Variants in KIF9 observed in about 807,000 individuals in gnomAD.
The protein encoded by KIF9 is kinesin-like protein KIF9.
In KIF9, 68 loss-of-function variants were observed where a neutral mutation model predicts 94.8. That is an observed-to-expected ratio of 0.72 (90% CI 0.59 to 0.88). The LOEUF (loss-of-function observed/expected upper bound fraction) is 0.88. KIF9 is among the 40% of genes least tolerant of loss of function. The probability of loss-of-function intolerance (pLI) is 0.00; values close to 1 mark genes in which losing one functional copy is unlikely to be tolerated. For missense variants in KIF9, 882 were observed against 982.5 expected (o/e 0.90, Z 1.37); for synonymous variants, 343 against 362.1 (o/e 0.95, Z 0.60).
At chr3:47,274,271 T>C (rs920534890) in intron 3 of KIF9, among the ~76,000 whole-genome samples, 8 of 152,212 alleles carry the variant, frequency 5.3e-5, no homozygotes, top group Non-Finnish European at 7.4e-5. Flanking sequence ...CTGCCCACCC[T>C]GGGAAGACTT....
At chr3:47,239,128 A>C (rs1392000168) in intron 17 of KIF9, among the ~76,000 whole-genome samples, 2 of 152,140 alleles carry the variant, frequency 1.3e-5, no homozygotes, top group Non-Finnish European at 2.9e-5. Flanking sequence ...TGAACCCAGG[A>C]GGCGGAGATT....
intron 10 of KIF9, among the ~76,000 whole-genome samples, chr3:47,256,202 C>T (rs1034267621): frequency 7.9e-5 from 12 of 152,002 alleles, no homozygotes; most frequent in African/African-American, 2.2e-4. Context: ...AAGTGAGGAG[C>T]GTCTCTGCGT....
Position 47,282,746 on chromosome 3 carries a change from C to G in KIF9, c.-257G>C, listed in dbSNP as rs1402714228. On this transcript the variant is annotated 5_prime_UTR_variant, in exon 1 of 21. Transcript: ENST00000684063. ...AGAAAGACTTCGGCGGATGCACATG[C>G]GAAGTCAAGGTCGAGATAGCGAGGG... The G allele has an allele frequency of 1.4e-6, 2 of 1,422,340 alleles. No homozygotes were observed. The highest frequency in any genetic ancestry group is 1.8e-6 in the Non-Finnish European group (2 of 1,091,844). The allele number at this position is 1,422,340 out of a possible 1,614,324, so 88.1% of individuals were successfully genotyped here. A position where few individuals can be genotyped will look rare whatever the true frequency, so the allele number is the denominator to read the frequency against.
intron 20 of KIF9, among the ~76,000 whole-genome samples, chr3:47,230,544 C>T (rs1698488755): frequency 6.7e-6 from 1 of 150,128 alleles, no homozygotes; most frequent in Non-Finnish European, 1.5e-5. Context: ...ACCAGCCTGA[C>T]CAACAGGAAA....
rs1037191623 is a variant in KIF9 at position 47,282,460 on chromosome 3, C to G, written c.-6+35G>C. 14 of 988,400 alleles carry G rather than the reference C, an allele frequency of 1.4e-5. 1 individual carries two copies. The Middle Eastern group carries it at 2.1e-3, about 146-fold the overall frequency. The allele number at this position is 988,400 out of a possible 1,614,324, so 61.2% of individuals were successfully genotyped here. On this transcript the variant is annotated intron_variant, in intron 1 of 20. Transcript: ENST00000684063. ...GTCCGGGCGCACACCCTTTTCCCGT[C>G]TCCCCACTCCCACCGGCGAGCAGCC...
At chr3:47,279,475 CAA>C (rs1238422096) in intron 1 of KIF9, among the ~76,000 whole-genome samples, 7 of 93,216 alleles carry the variant, frequency 7.5e-5, no homozygotes, top group African/African-American at 7.8e-5. Flanking sequence ...AGCTCAGTCT[CAA>C]AAAAAAAAAA....
intron 9 of KIF9, among the ~76,000 whole-genome samples, chr3:47,259,449 A>G (rs1700824590): frequency 6.6e-6 from 1 of 152,086 alleles, no homozygotes; most frequent in South Asian, 2.1e-4. Flanking sequence ...TGCATCCAAC[A>G]TCTGGGGCCT....
intron 10 of KIF9, among the ~76,000 whole-genome samples, chr3:47,255,863 G>A (rs950774603): frequency 1.3e-5 from 2 of 152,150 alleles, no homozygotes; most frequent in Non-Finnish European, 2.9e-5. Context: ...CTCCCTGCCT[G>A]ATTCTCCTGC....
intron 1 of KIF9, among the ~76,000 whole-genome samples, chr3:47,278,649 C>T (rs1287039884): frequency 6.6e-6 from 1 of 151,698 alleles, no homozygotes; most frequent in Non-Finnish European, 1.5e-5. Context: ...GGCAACATGG[C>T]GAAAACCCAT....
intron 8 of KIF9, 35 bp from the exon 9 acceptor site, chr3:47,264,385 ATG>A: frequency 6.3e-7 from 1 of 1,580,398 alleles, no homozygotes; most frequent in Non-Finnish European, 8.7e-7. Flanking sequence ...GCTATGAACC[ATG>A]TGTTTTTTCT....
At chr3:47,247,739 GCTGGCTGAGTCC>G (rs1458884601) in intron 11 of KIF9, among the ~76,000 whole-genome samples, 1 of 152,194 alleles carries the variant, frequency 6.6e-6, no homozygotes, top group Non-Finnish European at 1.5e-5. Flanking sequence ...CAGAGGCTCT[GCTGGCTGAGTCC>G]CAGCAGACTC....
intron 11 of KIF9, 32 bp downstream of exon 11, chr3:47,247,985 CT>C: frequency 6.4e-7 from 1 of 1,563,404 alleles, no homozygotes; most frequent in Non-Finnish European, 8.8e-7. Context: ...ACCCCAGCAC[CT>C]CTGCCCTCCT....
intron 10 of KIF9, among the ~76,000 whole-genome samples, chr3:47,254,254 T>C (rs576219832): frequency 6.6e-6 from 1 of 152,286 alleles, no homozygotes; most frequent in East Asian, 1.9e-4. Flanking sequence ...GGTCAGGAGT[T>C]TGAGACCAGC....
At chr3:47,265,473 C>T (rs1414864607) in intron 8 of KIF9, among the ~76,000 whole-genome samples, 3 of 152,130 alleles carry the variant, frequency 2.0e-5, no homozygotes. Context: ...CTCCTCAGGA[C>T]AAGAGGAAAA....
At chr3:47,272,745 T>C (rs1325019277) in intron 4 of KIF9, among the ~76,000 whole-genome samples, 1 of 152,222 alleles carries the variant, frequency 6.6e-6, no homozygotes, top group African/African-American at 2.4e-5. Flanking sequence ...GCATGTGACT[T>C]ACAGTATATT....
At position 47,248,046 on chromosome 3, in the gene KIF9, T is replaced by C. The variant is rs1700039779; in HGVS notation, c.1100A>G (p.Lys367Arg). 1 of 1,613,906 alleles carries C rather than the reference T, an allele frequency of 6.2e-7. No individual in the cohort carries two copies. The highest frequency in any genetic ancestry group is 8.5e-7 in the Non-Finnish European group (1 of 1,179,900). The part of the protein sequence containing the change: ...KNLEKELALL[K>R]QELAIHDSLT... ...GCTGTCATGGATAGCCAGCTCCTGC[T>C]TGAGTAGTGCTAGTTCCTTCTCCAG... The change falls in exon 11 of 21, where the codon AAG becomes AGG. Residue 367 changes from lysine to arginine, a missense_variant. Physicochemically the swap from Lys to Arg is conservative, Grantham distance 26. Transcript: ENST00000684063.
Position 47,265,717 on chromosome 3 carries a change from T to C in KIF9, c.916+13A>G, listed in dbSNP as rs762903330. 6.2e-7 allele frequency: 1 copy of C among 1,613,362 alleles called. No individual in the cohort carries two copies. Among genetic ancestry groups the C allele is most frequent in the South Asian group, 1.1e-5 (1 of 91,050 alleles). On this transcript the variant is annotated intron_variant, in intron 8 of 20. Transcript: ENST00000684063. Reference sequence around the variant, plus strand: ...CAGACCCTCCTCCCTGGGCAGCAACTGTACCCCCTCACCTAACGAGTCCTT... The same window carrying C: ...CAGACCCTCCTCCCTGGGCAGCAACCGTACCCCCTCACCTAACGAGTCCTT...
chr3:47,275,961 AC>A (rs1162202695), intron 2 of KIF9, among the ~76,000 whole-genome samples: 1 of 152,164 alleles, frequency 6.6e-6, no homozygotes, highest in Admixed American at 6.5e-5. Context: ...CTACTTCCAC[AC>A]ACACGCTATG....
At chr3:47,233,963 C>A (rs1364002019) in intron 20 of KIF9, among the ~76,000 whole-genome samples, 3 of 151,426 alleles carry the variant, frequency 2.0e-5, no homozygotes, top group Non-Finnish European at 4.4e-5. Flanking sequence ...TGGTAGCATG[C>A]CCCCAGCTAC....
Sources: allele counts gnomAD v4.1 joint callset (sites outside exome capture counted in the v4.1 genomes callset), GRCh38; gene constraint gnomAD v4.1.1; transcripts MANE v1.5; gene names NCBI Gene and HGNC (gene_info 2026-07-23, HGNC 2026-07-21).